Variants in POMGNT1 observed in about 807,000 individuals in gnomAD.
POMGNT1 encodes protein O-linked mannose N-acetylglucosaminyltransferase 1 (beta 1,2-), also known as protein O-linked-mannose beta-1,2-N-acetylglucosaminyltransferase 1.
Under a neutral mutation model 95.6 loss-of-function variants are expected in POMGNT1, and 67 were observed. The ratio of observed to expected loss-of-function variants is 0.70; its 90% CI spans 0.58 to 0.86. POMGNT1 has a LOEUF of 0.86. Ranked by LOEUF, POMGNT1 falls within the 40% of genes least tolerant of loss-of-function variation. POMGNT1 has a pLI of 0.00. For synonymous variants in POMGNT1, 298 were observed against 317.9 expected, an observed-to-expected ratio of 0.94 and a Z score of 0.66; for missense variants, 719 against 855.2, an observed-to-expected ratio of 0.84 and a Z score of 1.99.
At chr1:46,213,977 A>C (rs537311890) in intron 1 of POMGNT1, among the ~76,000 whole-genome samples, 1 of 152,292 alleles carries the variant, frequency 6.6e-6, no homozygotes, top group Admixed American at 6.5e-5. Context: ...CATTGTAGAG[A>C]TCCACTCTGA....
In POMGNT1 at chr1:46,192,579, T is replaced by C; in HGVS notation, c.1223A>G (p.Gln408Arg). The change falls in exon 15 of 22, where the codon CAA (glutamine) becomes CGA (arginine). Residue 408 changes from glutamine to arginine, a missense_variant. This residue lies in a region of POMGNT1 where 118 missense variants were observed against 153.6 expected (regional missense o/e 0.77). Transcript: ENST00000371984. ...IAVDFFSFLS[Q>R]SIHLLEEDDS... ...ATCCTCCTCCAGTAGGTGGATGGATTGGCTCAGGAAACTGAGAGAGGCAGG... is the reference window on the plus strand; with the variant it reads ...ATCCTCCTCCAGTAGGTGGATGGATCGGCTCAGGAAACTGAGAGAGGCAGG... 3 of 1,614,094 alleles carry C rather than the reference T, an allele frequency of 1.9e-6. No individual in the cohort carries two copies. Among genetic ancestry groups the C allele is most frequent in the Non-Finnish European group, 2.5e-6 (3 of 1,180,020 alleles).
At chr1:46,203,428 T>C (rs1020548799), upstream of POMGNT1, 2 of 1,459,130 alleles carry the variant, frequency 1.4e-6, no homozygotes, top group Non-Finnish European at 1.8e-6. Context: ...TGGGCCCGCA[T>C]GGAGGGGACC....
chr1:46,200,172 T>TA (rs952825465), upstream of POMGNT1, among the ~76,000 whole-genome samples: 3 of 151,864 alleles, frequency 2.0e-5, no homozygotes, highest in African/African-American at 7.3e-5. Context: ...TCTCAAAAAA[T>TA]AAAAAAATAA....
At chr1:46,200,026 T>C (rs944905201), upstream of POMGNT1, among the ~76,000 whole-genome samples, 1 of 152,056 alleles carries the variant, frequency 6.6e-6, no homozygotes, top group Admixed American at 6.6e-5. Flanking sequence ...AAAAGTTAGC[T>C]GGGCGTGGTG....
chr1:46,210,650 G>T (rs1238207325), intron 1 of POMGNT1, among the ~76,000 whole-genome samples: 2 of 152,158 alleles, frequency 1.3e-5, no homozygotes, highest in African/African-American at 4.8e-5. Context: ...TATTACAAAG[G>T]ATATAGATGA....
rs1448716178 is a variant in POMGNT1, at chr1:46,197,233, C to G, written c.121-149G>C. Reference sequence around the variant, plus strand: ...GTCTGCCTAGCTCTACTCCCCTGACCAGGGCCTAGTTTCACAGCCACTTTC... The same window carrying G: ...GTCTGCCTAGCTCTACTCCCCTGACGAGGGCCTAGTTTCACAGCCACTTTC... On this transcript the variant is annotated intron_variant, in intron 2 of 21. Transcript: ENST00000371984. 7 of 1,561,532 alleles carry G rather than the reference C, an allele frequency of 4.5e-6. No individual in the cohort carries two copies. In the African/African-American group the frequency reaches 9.4e-5, roughly 21 times the overall value.
At chr1:46,195,596 A>G in intron 6 of POMGNT1, 2 of 625,988 alleles carry the variant, frequency 3.2e-6, no homozygotes, top group South Asian at 3.4e-5. Flanking sequence ...CTTGTTTCCC[A>G]TTGTATCTTC....
intron 1 of POMGNT1, among the ~76,000 whole-genome samples, chr1:46,219,002 G>A (rs1659149308): frequency 6.6e-6 from 1 of 152,064 alleles, no homozygotes; most frequent in South Asian, 2.1e-4. Flanking sequence ...AGGCTCAATA[G>A]TCAGTACCCT....
intron 1 of POMGNT1, 35 bp from the exon 2 acceptor site, chr1:46,197,906 C>T: frequency 6.3e-7 from 1 of 1,596,962 alleles, no homozygotes; most frequent in Non-Finnish European, 8.5e-7. Context: ...GGGTAAGATG[C>T]TCCTCCCAAA....
intron 1 of POMGNT1, chr1:46,203,555 G>A: frequency 3.2e-6 from 5 of 1,569,514 alleles, no homozygotes; most frequent in Non-Finnish European, 3.4e-6. Context: ...CTGGCGCCCT[G>A]CTGCTCCCAG....
At chr1:46,219,295 CAA>C (rs747473864) in intron 1 of POMGNT1, among the ~76,000 whole-genome samples, 29 of 97,448 alleles carry the variant, frequency 3.0e-4, no homozygotes, top group Non-Finnish European at 2.0e-4. Flanking sequence ...AACTCCATTT[CAA>C]AAAAAAAAAA....
rs374166454 is a variant in POMGNT1 at position 46,197,825 on chromosome 1, G to T, written c.-4C>A. The T allele has an allele frequency of 1.2e-6, 2 of 1,613,886 alleles. No homozygotes were observed. Among genetic ancestry groups the T allele is most frequent in the African/African-American group, 2.7e-5 (2 of 75,044 alleles). On this transcript the variant is annotated 5_prime_UTR_variant, in exon 2 of 22. Coordinates refer to ENST00000371984, the MANE Select transcript of POMGNT1 (RefSeq NM_017739.4). ...GGCTGGGCTTCCAGTCGTCCATACC[G>T]GATTGGCGGGTCACCAATGTCCTGG...
chr1:46,201,718 A>AAAAG (rs560972142), upstream of POMGNT1, among the ~76,000 whole-genome samples: 649 of 151,746 alleles, frequency 4.3e-3, 4 homozygotes, highest in Middle Eastern at 0.034. Context: ...AAAAAAAGAA[A>AAAAG]AAAGAAAGAA....
Position 46,189,417 on chromosome 1 carries a change from A to C in POMGNT1, c.1895+41T>G, listed in dbSNP as rs140486914. 9.0e-5 allele frequency: 145 copies of C among 1,613,686 alleles called. No individual in the cohort carries two copies. In the African/African-American group the frequency reaches 1.5e-3, roughly 17 times the overall value. ...GCCATTAGCTATATCCCTGGATCTC[A>C]CTAGGCCTCCTGTTTCCCAGGGCAG... On this transcript the variant is annotated intron_variant, in intron 21 of 21. Coordinates refer to ENST00000371984, the MANE Select transcript of POMGNT1 (RefSeq NM_017739.4).
Position 46,192,151 on chromosome 1 carries a change from A to G in POMGNT1, c.1486T>C (p.Ser496Pro), listed in dbSNP as rs1331909882. 2 of 1,613,984 alleles carry G rather than the reference A, an allele frequency of 1.2e-6. No homozygotes were observed. Among genetic ancestry groups the G allele is most frequent in the Non-Finnish European group, 1.7e-6 (2 of 1,179,934 alleles). Residue 496 changes from serine (S) to proline (P), a missense_variant, in exon 17 of 22, where the codon TCC (serine) becomes CCC (proline). Ser to Pro is a moderately conservative substitution (Grantham distance 74, BLOSUM62 -1). Coordinates refer to ENST00000371984, the MANE Select transcript of POMGNT1 (RefSeq NM_017739.4). ...RGRECIIPDV[S>P]RSYHFGIVGL... ...ACGATGCCAAAGTGGTAGGATCGGGAAACGTCAGGGATGATGCACTCTCGG... is the reference window on the plus strand; with the variant it reads ...ACGATGCCAAAGTGGTAGGATCGGGGAACGTCAGGGATGATGCACTCTCGG...
Position 46,192,311 on chromosome 1 carries a change from T to G in POMGNT1, c.1410A>C (p.Glu470Asp). The change falls in exon 16 of 22, where the codon GAA becomes GAC. Residue 470 changes from glutamate to aspartate, a missense_variant. By Grantham distance (45) the Glu-to-Asp change is conservative. Coordinates refer to ENST00000371984, the MANE Select transcript of POMGNT1 (RefSeq NM_017739.4). ...EELEPKWPTP[E>D]KLWDWDMWMR... ...CTCACCCTACCCTGACAGTTACCTT[T>G]TCCGGTGTAGGCCACTTGGGCTCAA... 1 of 1,614,152 alleles carries G rather than the reference T, an allele frequency of 6.2e-7. No homozygotes were observed. Among genetic ancestry groups the G allele is most frequent in the Non-Finnish European group, 8.5e-7 (1 of 1,180,024 alleles).
At chr1:46,197,393 G>A in intron 2 of POMGNT1, 1 of 1,485,782 alleles carries the variant, frequency 6.7e-7, no homozygotes, top group South Asian at 1.2e-5. Context: ...CCAGGCCCAG[G>A]GACCCAAGCG....
intron 6 of POMGNT1, chr1:46,195,607 AG>A (rs1363792877): frequency 3.1e-6 from 2 of 644,654 alleles, no homozygotes; most frequent in Non-Finnish European, 5.7e-6. Flanking sequence ...TTGTATCTTC[AG>A]CACCCAGAGA....
At chr1:46,190,838 C>CA (rs1553162898) in intron 17 of POMGNT1, 54 bp from the exon 18 acceptor site, 12 of 1,497,590 alleles carry the variant, frequency 8.0e-6, no homozygotes, top group Non-Finnish European at 1.1e-5. Flanking sequence ...GGCCCACACC[C>CA]ACTTGCTGAC....
Sources: allele counts gnomAD v4.1 joint callset (sites outside exome capture counted in the v4.1 genomes callset), GRCh38; gene constraint gnomAD v4.1.1; regional missense constraint gnomAD v4.1.1; transcripts MANE v1.5; gene names NCBI Gene and HGNC (gene_info 2026-07-23, HGNC 2026-07-21).